Variants in CDH22 observed in about 807,000 individuals in gnomAD.
CDH22 encodes cadherin-22.
A neutral mutation model predicts 58.4 loss-of-function variants in CDH22; 30 were observed. The observed-to-expected ratio is 0.51, with a 90% CI of 0.38 to 0.70. CDH22 has a LOEUF of 0.70. Ranked by LOEUF, CDH22 falls within the 30% of genes least tolerant of loss-of-function variation. The pLI is 0.00. For synonymous variants in CDH22, 513 were observed against 558.2 expected (o/e 0.92, Z 1.14); for missense variants, 1,014 against 1,233.9 (o/e 0.82, Z 2.67).
intron 2 of CDH22, among the ~76,000 whole-genome samples, chr20:46,249,000 T>C (rs1044107804): frequency 6.6e-6 from 1 of 152,158 alleles, no homozygotes; most frequent in African/African-American, 2.4e-5. Context: ...ATGGGAATAA[T>C]AAAAAACAGC....
chr20:46,191,323 G>C (rs1473892978), intron 8 of CDH22, among the ~76,000 whole-genome samples: 1 of 152,076 alleles, frequency 6.6e-6, no homozygotes, highest in Non-Finnish European at 1.5e-5. Flanking sequence ...GGGTGGGAGG[G>C]GAGGATGTGG....
intron 1 of CDH22, among the ~76,000 whole-genome samples, chr20:46,277,803 C>T (rs550202923): frequency 2.4e-4 from 37 of 151,582 alleles, no homozygotes; most frequent in African/African-American, 9.0e-4. Context: ...GGGGCGGGCA[C>T]CAGATTGGAG....
intron 1 of CDH22, among the ~76,000 whole-genome samples, chr20:46,293,373 G>A (rs964950890): frequency 6.6e-5 from 10 of 152,194 alleles, no homozygotes; most frequent in African/African-American, 2.4e-4. Flanking sequence ...ACATGTGCTT[G>A]TAGAAGAGGC....
chr20:46,257,576 G>A (rs984604794), intron 1 of CDH22, among the ~76,000 whole-genome samples: 1 of 152,146 alleles, frequency 6.6e-6, no homozygotes, highest in Non-Finnish European at 1.5e-5. Context: ...AGCTGAAGAC[G>A]GCAGGAAGAG....
At chr20:46,242,588 G>A (rs1568670976) in intron 2 of CDH22, among the ~76,000 whole-genome samples, 1 of 152,318 alleles carries the variant, frequency 6.6e-6, no homozygotes, top group South Asian at 2.1e-4. Context: ...GCACTGCCCA[G>A]GCAGTGGTAC....
chr20:46,290,230 G>T (rs1568684219), intron 1 of CDH22, among the ~76,000 whole-genome samples: 1 of 152,224 alleles, frequency 6.6e-6, no homozygotes, highest in Non-Finnish European at 1.5e-5. Flanking sequence ...GACACTATGA[G>T]ACAGAAGCTC....
intron 11 of CDH22, among the ~76,000 whole-genome samples, chr20:46,176,403 TC>T (rs1429823898): frequency 6.6e-6 from 1 of 151,808 alleles, no homozygotes; most frequent in Non-Finnish European, 1.5e-5. Flanking sequence ...ACCCCGAGTC[TC>T]CCCCACCTCA....
rs747323649 is a variant in CDH22, at chr20:46,174,631, G to A, written c.2362C>T (p.Leu788=). The A allele has an allele frequency of 4.5e-6, 7 of 1,550,386 alleles. No homozygotes were observed. The highest frequency in any genetic ancestry group is 1.9e-5 in the Admixed American group (1 of 51,794). ...TCGGAGCCCGACGAGCCGCTGTGCA[G>A]GGAGCTGAGCGAGGCGGCCGGCGAG... ...ADSPAASLSS[L]HSGSSGSEQD... is the part of the protein sequence containing the mutation. The change falls in exon 12 of 12, where the codon CTG becomes TTG. Residue 788 remains leucine, a synonymous_variant. Coordinates refer to ENST00000537909, the MANE Select transcript of CDH22 (RefSeq NM_021248.3). This position sits in a 1 kb window ranked among gnomAD's most constrained non-coding sequence, Gnocchi z 4.4.
At chr20:46,248,517 G>A (rs892915323) in intron 2 of CDH22, among the ~76,000 whole-genome samples, 10 of 152,064 alleles carry the variant, frequency 6.6e-5, no homozygotes, top group African/African-American at 2.4e-4. Flanking sequence ...TCTCTTTTGG[G>A]GGCTTAAAAA....
At chr20:46,223,669 C>CTTTA (rs2086144580) in intron 4 of CDH22, among the ~76,000 whole-genome samples, 2 of 46,718 alleles carry the variant, frequency 4.3e-5, no homozygotes, top group African/African-American at 2.0e-4. Flanking sequence ...TTCTTTCCTT[C>CTTTA]TTTCTTTCTT....
intron 5 of CDH22, among the ~76,000 whole-genome samples, chr20:46,214,651 C>T (rs2086069906): frequency 6.6e-6 from 1 of 152,180 alleles, no homozygotes; most frequent in African/African-American, 2.4e-5. Flanking sequence ...TCTCTCTCAC[C>T]TCCAGGCATC....
Position 46,251,153 on chromosome 20 carries a change from C to T in CDH22, c.142G>A (p.Gly48Arg), listed in dbSNP as rs754056222. The part of the protein sequence containing the change: ...AAGTPSPSAP[G>R]ARQDGALGAG... ...CCCAGCGCGCCGTCCTGCCGAGCTC[C>T]GGGCGCCGACGGCGAGGGTGTGCCC... The change falls in exon 2 of 12, where the codon GGA (glycine) becomes AGA (arginine). Residue 48 changes from glycine to arginine, a missense_variant. Around this residue, in one of 2 missense-constraint regions of CDH22, gnomAD observed 806 missense variants for 1,038.7 expected, o/e 0.78. Coordinates refer to ENST00000537909, the MANE Select transcript of CDH22 (RefSeq NM_021248.3). This position sits in a 1 kb window ranked among gnomAD's most constrained non-coding sequence, Gnocchi z 6.7. 13 of 1,591,552 alleles carry T rather than the reference C, an allele frequency of 8.2e-6. No individual in the cohort carries two copies. The South Asian group carries it at 8.9e-5, about 11-fold the overall frequency.
intron 1 of CDH22, among the ~76,000 whole-genome samples, chr20:46,279,097 C>T (rs373125010): frequency 3.9e-5 from 6 of 152,166 alleles, no homozygotes; most frequent in East Asian, 1.9e-4. Context: ...TGGACCTCAG[C>T]GGTGTCTGCC....
intron 1 of CDH22, among the ~76,000 whole-genome samples, chr20:46,258,028 G>A (rs564784214): frequency 1.6e-4 from 24 of 152,284 alleles, no homozygotes; most frequent in Admixed American, 5.9e-4. Context: ...ACAGCTCCAC[G>A]GCATAACTGT....
intron 2 of CDH22, among the ~76,000 whole-genome samples, chr20:46,245,874 CTG>C (rs2086324900): frequency 6.7e-6 from 1 of 150,280 alleles, no homozygotes; most frequent in African/African-American, 2.5e-5. Context: ...GATGGGCAAA[CTG>C]AGGCCCAGAG....
chr20:46,237,015 A>T (rs1568669055), intron 3 of CDH22, among the ~76,000 whole-genome samples: 1 of 152,156 alleles, frequency 6.6e-6, no homozygotes, highest in Non-Finnish European at 1.5e-5. Context: ...TTAATTATTT[A>T]TTTGGATATT....
chr20:46,270,837 C>G (rs2086484147), intron 1 of CDH22, among the ~76,000 whole-genome samples: 1 of 152,198 alleles, frequency 6.6e-6, no homozygotes, highest in East Asian at 1.9e-4. Context: ...GCTGGGTTGA[C>G]TTGGCAGTGG....
In CDH22 at chr20:46,265,059, C is replaced by T. The variant is rs143185842; in HGVS notation, c.-399-13366G>A. Among the ~76,000 whole-genome samples, 920 of 152,292 alleles carry T rather than the reference C, an allele frequency of 6.0e-3. 6 individuals carry two copies. Among genetic ancestry groups the T allele is most frequent in the Non-Finnish European group, 9.7e-3 (661 of 68,020 alleles). ...CACCCTGCCCGTGTGCCGGTGCCAC[C>T]GGCAGAGCCGTGCTGTACATCATGT... On this transcript the variant is annotated intron_variant, in intron 1 of 11. Coordinates refer to ENST00000537909, the MANE Select transcript of CDH22 (RefSeq NM_021248.3).
intron 11 of CDH22, among the ~76,000 whole-genome samples, chr20:46,176,720 C>T (rs1317248603): frequency 2.0e-5 from 3 of 152,310 alleles, no homozygotes; most frequent in African/African-American, 4.8e-5. Flanking sequence ...GGGACAGGCC[C>T]GGAGGGAGGG....
Sources: allele counts gnomAD v4.1 joint callset (sites outside exome capture counted in the v4.1 genomes callset), GRCh38; gene constraint gnomAD v4.1.1; regional missense constraint gnomAD v4.1.1; non-coding constraint Gnocchi (gnomAD v3.1); transcripts MANE v1.5; gene names NCBI Gene and HGNC (gene_info 2026-07-23, HGNC 2026-07-21).